Variants in GALNTL6 observed in about 807,000 individuals in gnomAD.
The protein encoded by GALNTL6 is polypeptide N-acetylgalactosaminyltransferase like 6.
In GALNTL6, 46 loss-of-function variants were observed where a neutral mutation model predicts 73.7. That is an observed-to-expected ratio of 0.62 (90% CI 0.49 to 0.80). The LOEUF (loss-of-function observed/expected upper bound fraction) is 0.80, where lower values mean the gene tolerates loss of function less well. Among genes scored for constraint, GALNTL6 ranks in the 30% least tolerant of loss-of-function variants. The probability of loss-of-function intolerance (pLI) is 0.00; values close to 1 mark genes in which losing one functional copy is unlikely to be tolerated. For missense variants in GALNTL6, 604 were observed against 755.0 expected, an observed-to-expected ratio of 0.80 and a Z score of 2.34; for synonymous variants, 259 against 263.7, an observed-to-expected ratio of 0.98 and a Z score of 0.17.
intron 2 of GALNTL6, among the ~76,000 whole-genome samples, chr4:171,860,792 C>G (rs980551916): frequency 2.6e-5 from 4 of 152,112 alleles, no homozygotes; most frequent in African/African-American, 9.7e-5. Flanking sequence ...GAATGCAGCC[C>G]TTAATACAGA....
At chr4:172,328,003 G>T (rs1741000948) in intron 4 of GALNTL6, among the ~76,000 whole-genome samples, 1 of 152,022 alleles carries the variant, frequency 6.6e-6, no homozygotes, top group Admixed American at 6.5e-5. Context: ...TGATGTGTGT[G>T]TTTTTTTATT....
chr4:172,130,677 C>T (rs992801277), intron 2 of GALNTL6, among the ~76,000 whole-genome samples: 1 of 151,936 alleles, frequency 6.6e-6, no homozygotes, highest in African/African-American at 2.4e-5. Context: ...TTGTTAGAAA[C>T]TGTTAGGTTT....
At chr4:172,602,712 A>C (rs1040857614) in intron 5 of GALNTL6, among the ~76,000 whole-genome samples, 1 of 152,206 alleles carries the variant, frequency 6.6e-6, no homozygotes, top group Non-Finnish European at 1.5e-5. Context: ...GCTTTGTGAC[A>C]TACCAATTAA....
chr4:172,538,853 C>T (rs746522489), intron 5 of GALNTL6, among the ~76,000 whole-genome samples: 3 of 151,978 alleles, frequency 2.0e-5, no homozygotes, highest in Non-Finnish European at 4.4e-5. Flanking sequence ...CCAGAGATAT[C>T]GTTATATGAA....
At chr4:172,916,832 T>G (rs1747548106) in intron 8 of GALNTL6, among the ~76,000 whole-genome samples, 1 of 152,160 alleles carries the variant, frequency 6.6e-6, no homozygotes, top group East Asian at 1.9e-4. Context: ...CCAAGGTAAT[T>G]TATAGATTCA....
At chr4:172,194,574 C>T (rs1208685530) in intron 2 of GALNTL6, among the ~76,000 whole-genome samples, 2 of 152,174 alleles carry the variant, frequency 1.3e-5, no homozygotes, top group South Asian at 2.1e-4. Flanking sequence ...TAAAGCGAAG[C>T]CCATCAGACT....
intron 5 of GALNTL6, among the ~76,000 whole-genome samples, chr4:172,670,910 C>A (rs1395244060): frequency 1.3e-5 from 2 of 152,052 alleles, no homozygotes; most frequent in Non-Finnish European, 2.9e-5. Flanking sequence ...ATAGGGTATC[C>A]TTTCCTTATT....
At position 172,432,056 on chromosome 4, in the gene GALNTL6, A is replaced by T. The variant is rs532083889; in HGVS notation, c.553+83367A>T. On this transcript the variant is annotated intron_variant, in intron 5 of 12. Coordinates refer to ENST00000506823, the MANE Select transcript of GALNTL6 (RefSeq NM_001034845.3). ...AATAAAAGTGTGATTTTTAAAAAAT[A>T]AAATAGCGCTTTCTAGCTCCACACA... 3.2e-4 allele frequency among the ~76,000 whole-genome samples: 49 copies of T among 152,224 alleles called. 1 individual carries two copies. In the South Asian group the frequency reaches 0.01, roughly 32 times the overall value.
chr4:172,844,938 G>A (rs771452318), intron 7 of GALNTL6, among the ~76,000 whole-genome samples: 1 of 152,120 alleles, frequency 6.6e-6, no homozygotes, highest in Non-Finnish European at 1.5e-5. Context: ...GATTCTGGCT[G>A]GGCGCGGTGG....
chr4:172,897,995 C>T (rs755472848), intron 8 of GALNTL6, among the ~76,000 whole-genome samples: 20 of 152,044 alleles, frequency 1.3e-4, no homozygotes, highest in South Asian at 4.2e-4. Context: ...CTAACAAGTG[C>T]GTTCCTTCTA....
chr4:172,753,401 C>T (rs1338277550), intron 5 of GALNTL6, among the ~76,000 whole-genome samples: 5 of 152,080 alleles, frequency 3.3e-5, no homozygotes, highest in Non-Finnish European at 7.4e-5. Context: ...TTAATCACAC[C>T]CTTATCATTA....
At position 172,459,149 on chromosome 4, in the gene GALNTL6, G is replaced by A. The variant is rs371602758; in HGVS notation, c.553+110460G>A. On this transcript the variant is annotated intron_variant, in intron 5 of 12. Transcript: ENST00000506823. The stretch of plus-strand genomic sequence containing the variant: ...CTCAATAGATGCAGAAAAGGCCTTC[G>A]ATAAAATTCAACACCCCTTCATGCT... 4.4e-4 allele frequency among the ~76,000 whole-genome samples: 67 copies of A among 152,178 alleles called. 4 individuals carry two copies. In the South Asian group the frequency reaches 5.4e-3, roughly 12 times the overall value.
rs535223589 is a variant in GALNTL6 at position 171,979,997 on chromosome 4, T to C, written c.138+165279T>C. Among the ~76,000 whole-genome samples, 25 of 152,126 alleles carry C rather than the reference T, an allele frequency of 1.6e-4. No individual in the cohort carries two copies. In the South Asian group the frequency reaches 5.2e-3, roughly 32 times the overall value. Reference sequence around the variant, plus strand: ...CTCAAGAAGATTTTGCAAAATAAAATTCCAAAACCCACAAGGCAAGTAAAT... The same window carrying C: ...CTCAAGAAGATTTTGCAAAATAAAACTCCAAAACCCACAAGGCAAGTAAAT... On this transcript the variant is annotated intron_variant, in intron 2 of 12. Coordinates refer to ENST00000506823, the MANE Select transcript of GALNTL6 (RefSeq NM_001034845.3).
At chr4:171,835,297 T>C (rs1735070362) in intron 2 of GALNTL6, among the ~76,000 whole-genome samples, 1 of 151,994 alleles carries the variant, frequency 6.6e-6, no homozygotes, top group Admixed American at 6.6e-5. Context: ...GCTTTGTGTG[T>C]CTGTGTATGT....
chr4:172,055,318 A>T (rs922091383), intron 2 of GALNTL6, among the ~76,000 whole-genome samples: 1 of 152,112 alleles, frequency 6.6e-6, no homozygotes, highest in Non-Finnish European at 1.5e-5. Context: ...GTTGTATTAA[A>T]ATTGTGTAAT....
At chr4:172,836,714 C>T (rs11946836) in intron 7 of GALNTL6, among the ~76,000 whole-genome samples, 7,457 of 152,302 alleles carry the variant, frequency 0.049, 341 homozygotes, top group Admixed American at 0.12. Flanking sequence ...CATTTGAAAA[C>T]CTTCATGTCT....
chr4:172,914,992 G>T (rs1014117083), intron 8 of GALNTL6, among the ~76,000 whole-genome samples: 8 of 152,112 alleles, frequency 5.3e-5, no homozygotes, highest in African/African-American at 1.9e-4. Flanking sequence ...TGACCACATA[G>T]TTAGAAGTAA....
rs1219091715 is a variant in GALNTL6, at chr4:172,803,259, C to T, written c.554-6102C>T. ...TTAGGAACCTGGCCACAGCAGGAGG[C>T]GAGCAGCAGGTGAGTAAGGATTACC... On this transcript the variant is annotated intron_variant, in intron 5 of 12. Transcript: ENST00000506823. Among the ~76,000 whole-genome samples the T allele has an allele frequency of 2.6e-5, 4 of 152,282 alleles. No individual in the cohort carries two copies. The East Asian group carries it at 5.8e-4, about 22-fold the overall frequency.
intron 2 of GALNTL6, among the ~76,000 whole-genome samples, chr4:171,817,606 ATTGT>A (rs1197787879): frequency 2.6e-5 from 4 of 151,754 alleles, no homozygotes; most frequent in Non-Finnish European, 5.9e-5. Context: ...TTACACATTA[ATTGT>A]TTGTATTTTC....
Sources: gnomAD v4.1 joint callset for allele counts (sites outside exome capture counted in the v4.1 genomes callset) on GRCh38, gnomAD v4.1.1 for gene constraint, MANE v1.5 for transcripts, NCBI Gene and HGNC (gene_info 2026-07-23, HGNC 2026-07-21) for gene names.